Variants in PDLIM3 observed in about 807,000 individuals in gnomAD.
The protein encoded by PDLIM3 is PDZ and LIM domain 3, also known as PDZ and LIM domain protein 3.
In PDLIM3, 36 loss-of-function variants were observed where a neutral mutation model predicts 37.3. The observed-to-expected ratio is 0.97, with a 90% CI of 0.74 to 1.28. The LOEUF is 1.28. Among genes scored for constraint, PDLIM3 ranks in the 50% most tolerant of loss-of-function variants. The pLI, the probability that PDLIM3 is intolerant of heterozygous loss-of-function variation, is 0.00. For synonymous variants in PDLIM3, 174 were observed against 182.4 expected (o/e 0.95, Z 0.37); for missense variants, 454 against 485.0 (o/e 0.94, Z 0.60).
rs1034309839 is a variant in PDLIM3 at position 185,535,272 on chromosome 4, A to G, written c.93+70T>C. ...TTCTGGCCGCCCTCGGCCCCGGGGC[A>G]TCCACTGCGTCCCCCCGGACGCCGC... On this transcript the variant is annotated intron_variant, in intron 1 of 7. Transcript: ENST00000284767. 1.9e-5 allele frequency: 26 copies of G among 1,363,894 alleles called. No homozygotes were observed. The African/African-American group carries it at 2.7e-4, about 14-fold the overall frequency. 84.5% of individuals were successfully genotyped at this position (1,363,894 alleles called of 1,614,324 possible).
chr4:185,530,154 T>G (rs183463247), intron 1 of PDLIM3, among the ~76,000 whole-genome samples: 1 of 152,362 alleles, frequency 6.6e-6, no homozygotes, highest in Non-Finnish European at 1.5e-5. Context: ...GAGTTACACA[T>G]GAACCAGTAC....
chr4:185,532,476 T>G (rs534148357), intron 1 of PDLIM3, among the ~76,000 whole-genome samples: 5 of 152,152 alleles, frequency 3.3e-5, no homozygotes, highest in African/African-American at 1.2e-4. Flanking sequence ...GGAGAGGCAT[T>G]TGAGTGGTTT....
intron 1 of PDLIM3, among the ~76,000 whole-genome samples, 196 bp from the exon 2 acceptor site, chr4:185,525,367 C>T (rs1251955944): frequency 6.6e-6 from 1 of 152,170 alleles, no homozygotes; most frequent in African/African-American, 2.4e-5. Context: ...GATTTTGTTT[C>T]TTACTAACCA....
intron 3 of PDLIM3, among the ~76,000 whole-genome samples, chr4:185,519,206 A>G (rs6817142): frequency 0.7 from 106,070 of 152,164 alleles, 41,489 homozygotes; most frequent in Non-Finnish European, 0.87. Context: ...AACAACAACT[A>G]ACGTGCCCTT....
At position 185,504,635 on chromosome 4, in the gene PDLIM3, G is replaced by T; in HGVS notation, c.794-49C>A. On this transcript the variant is annotated intron_variant, in intron 6 of 7. Transcript: ENST00000284767. This position sits in a 1 kb window ranked among gnomAD's most constrained non-coding sequence, Gnocchi z 4.7. ...TATGGCTAGGGAACAGCTGGCCGCAGCCTGTGCTTGGCTTCTATTTTAAAG... is the reference window on the plus strand; with the variant it reads ...TATGGCTAGGGAACAGCTGGCCGCATCCTGTGCTTGGCTTCTATTTTAAAG... The T allele has an allele frequency of 1.4e-6, 2 of 1,423,266 alleles. No individual in the cohort carries two copies. The highest frequency in any genetic ancestry group is 2.0e-6 in the Non-Finnish European group (2 of 1,015,942). The allele number at this position is 1,423,266 out of a possible 1,614,324, so 88.2% of individuals were successfully genotyped here.
In PDLIM3 at chr4:185,504,282, G is replaced by A. The variant is rs2095692691; in HGVS notation, c.905+193C>T. On this transcript the variant is annotated intron_variant, in intron 7 of 7. Coordinates refer to ENST00000284767, the MANE Select transcript of PDLIM3 (RefSeq NM_014476.6). The surrounding 1 kb of genome is among the most constrained non-coding windows in gnomAD (Gnocchi z 4.7). ...TTGTAAGTCAAAATTGCTGACTCAT[G>A]TGATGTGACAATTTGGAGGTATATC... Among the ~76,000 whole-genome samples, 2 of 151,940 alleles carry A rather than the reference G, an allele frequency of 1.3e-5. No individual in the cohort carries two copies. The highest frequency in any genetic ancestry group is 1.3e-4 in the Admixed American group (2 of 15,250).
chr4:185,502,082 T>C lies in PDLIM3; in HGVS notation c.*212A>G. On this transcript the variant is annotated 3_prime_UTR_variant, in exon 8 of 8. Coordinates refer to ENST00000284767, the MANE Select transcript of PDLIM3 (RefSeq NM_014476.6). The stretch of plus-strand genomic sequence containing the variant: ...TCATTATTGCTAGCCCCAAAAAGAG[T>C]TGCAAAACATAGCTAAGTGTATGTT... The C allele has an allele frequency of 1.7e-6, 1 of 599,698 alleles. No homozygotes were observed. The highest frequency in any genetic ancestry group is 2.0e-5 in the South Asian group (1 of 50,568). 37.1% of individuals were successfully genotyped at this position (599,698 alleles called of 1,614,324 possible). A position where few individuals can be genotyped will look rare whatever the true frequency, so the allele number is the denominator to read the frequency against.
intron 7 of PDLIM3, 51 bp from the exon 8 acceptor site, chr4:185,502,534 T>C: frequency 6.5e-7 from 1 of 1,540,856 alleles, no homozygotes; most frequent in Non-Finnish European, 9.0e-7. Flanking sequence ...AGCAAAAATA[T>C]GAGACAAAGG....
chr4:185,512,091 TTC>T (rs2095707510), intron 4 of PDLIM3: 3 of 86,888 alleles, frequency 3.5e-5, no homozygotes, highest in Non-Finnish European at 8.0e-5. Flanking sequence ...ACTCTTATAA[TTC>T]TTTTTTTTTT....
At position 185,514,794 on chromosome 4, in the gene PDLIM3, A is replaced by C. The variant is rs1420909295; in HGVS notation, c.331-457T>G. The C allele has an allele frequency of 1.3e-6, 2 of 1,551,894 alleles. No homozygotes were observed. The highest frequency in any genetic ancestry group is 2.4e-5 in the South Asian group (2 of 84,064). Reference sequence around the variant, plus strand: ...GAATAGAGCCCAATTGGCGAGTTATAGGAAGCGCTCACTACCTGTCTTTTG... The same window carrying C: ...GAATAGAGCCCAATTGGCGAGTTATCGGAAGCGCTCACTACCTGTCTTTTG... On this transcript the variant is annotated intron_variant, in intron 3 of 7. Coordinates refer to ENST00000284767, the MANE Select transcript of PDLIM3 (RefSeq NM_014476.6). This position sits in a 1 kb window ranked among gnomAD's most constrained non-coding sequence, Gnocchi z 4.0.
chr4:185,531,394 G>A (rs2095744199), intron 1 of PDLIM3, among the ~76,000 whole-genome samples: 1 of 152,182 alleles, frequency 6.6e-6, no homozygotes, highest in African/African-American at 2.4e-5. Context: ...TAAAAATTGT[G>A]TTTATCACAA....
intron 1 of PDLIM3, among the ~76,000 whole-genome samples, chr4:185,532,865 A>G (rs997001131): frequency 2.0e-5 from 3 of 152,224 alleles, no homozygotes; most frequent in African/African-American, 7.2e-5. Context: ...GAAGAGGGAC[A>G]GTAGTAGAAA....
intron 1 of PDLIM3, among the ~76,000 whole-genome samples, chr4:185,534,909 A>T (rs2095750794): frequency 6.6e-6 from 1 of 152,248 alleles, no homozygotes; most frequent in South Asian, 2.1e-4. Flanking sequence ...CGCCAGCTCC[A>T]GGGAATGCCG....
intron 1 of PDLIM3, among the ~76,000 whole-genome samples, chr4:185,534,779 T>C (rs1310552103): frequency 6.6e-6 from 1 of 152,196 alleles, no homozygotes; most frequent in East Asian, 1.9e-4. Flanking sequence ...GAGTGAGCAT[T>C]AGGAAGACTT....
At chr4:185,507,693 TATAAC>T (rs1407632588) in intron 5 of PDLIM3, among the ~76,000 whole-genome samples, 3 of 152,126 alleles carry the variant, frequency 2.0e-5, no homozygotes, top group Non-Finnish European at 4.4e-5. Flanking sequence ...AACAAATAGT[TATAAC>T]AAAGAAAAAA....
intron 3 of PDLIM3, chr4:185,515,396 A>C (rs1194951009): frequency 6.6e-6 from 1 of 152,278 alleles, no homozygotes; most frequent in Non-Finnish European, 1.5e-5. Flanking sequence ...TGAATCATTT[A>C]AACTAAGCCA....
At chr4:185,513,172 T>TCG in intron 4 of PDLIM3, 1 of 984,142 alleles carries the variant, frequency 1.0e-6, no homozygotes. Flanking sequence ...GCTCACGTTC[T>TCG]AGGGGGGGGA....
chr4:185,513,176 G>GTT (rs1561194964), intron 4 of PDLIM3: 1 of 985,104 alleles, frequency 1.0e-6, no homozygotes, highest in African/African-American at 1.8e-5. Context: ...ACGTTCTAGG[G>GTT]GGGGGAAGAT....
Position 185,513,517 on chromosome 4 carries a change from C to CTTT in PDLIM3, c.398+750_398+752dup, listed in dbSNP as rs11359195. The stretch of plus-strand genomic sequence containing the variant: ...TGTTCTGTCTAAAGGCACTTAAATT[C>CTTT]TTTTTTTTTTTTTAAACAAAAGAAT... On this transcript the variant is annotated intron_variant, in intron 4 of 7. Transcript: ENST00000284767. The CTTT allele has an allele frequency of 2.9e-4, 232 of 808,128 alleles. 1 individual carries two copies. The African/African-American group carries it at 4.2e-3, about 14-fold the overall frequency. The allele number at this position is 808,128 out of a possible 1,614,324, so 50.1% of individuals were successfully genotyped here. A position where few individuals can be genotyped will look rare whatever the true frequency, so the allele number is the denominator to read the frequency against.
Sources: gnomAD v4.1 joint callset for allele counts (sites outside exome capture counted in the v4.1 genomes callset) on GRCh38, gnomAD v4.1.1 for gene constraint, Gnocchi (gnomAD v3.1) non-coding constraint, MANE v1.5 for transcripts, NCBI Gene and HGNC (gene_info 2026-07-23, HGNC 2026-07-21) for gene names.